The following EPHA3 variants were observed in gnomAD, a reference collection of about 807,000 sequenced individuals.
EPHA3 encodes ephrin type-A receptor 3.
In EPHA3, 42 loss-of-function variants were observed where a neutral mutation model predicts 107.1. The observed-to-expected ratio is 0.39, with a 90% CI of 0.31 to 0.51. The LOEUF (loss-of-function observed/expected upper bound fraction) is 0.51. Among genes scored for constraint, EPHA3 ranks in the 20% least tolerant of loss-of-function variants. The pLI is 0.78. For missense variants in EPHA3, 1,183 were observed against 1,211.2 expected (o/e 0.98, Z 0.35); for synonymous variants, 461 against 424.8 (o/e 1.09, Z -1.05).
At chr3:89,168,604 G>A (rs562316622) in intron 2 of EPHA3, among the ~76,000 whole-genome samples, 2 of 151,868 alleles carry the variant, frequency 1.3e-5, no homozygotes, top group African/African-American at 4.8e-5. Context: ...GACTAAATTA[G>A]AGTTTAGTAT....
intron 10 of EPHA3, among the ~76,000 whole-genome samples, chr3:89,415,689 C>A (rs575639358): frequency 4.6e-5 from 7 of 151,094 alleles, no homozygotes; most frequent in Non-Finnish European, 1.0e-4. Flanking sequence ...AATTTTACTC[C>A]TCAATCCAAC....
At chr3:89,198,687 G>A (rs182099611) in intron 2 of EPHA3, among the ~76,000 whole-genome samples, 1 of 152,256 alleles carries the variant, frequency 6.6e-6, no homozygotes, top group African/African-American at 2.4e-5. Flanking sequence ...GTAAAACTTA[G>A]CATATGTTCC....
intron 5 of EPHA3, among the ~76,000 whole-genome samples, chr3:89,375,621 T>TA (rs991220788): frequency 2.0e-4 from 31 of 151,864 alleles, no homozygotes; most frequent in African/African-American, 7.2e-4. Context: ...TTGAAGAGTA[T>TA]AATTTTTTAT....
intron 15 of EPHA3, among the ~76,000 whole-genome samples, chr3:89,466,439 G>A (rs1315497131): frequency 9.0e-5 from 11 of 122,582 alleles, no homozygotes; most frequent in East Asian, 2.1e-4. Flanking sequence ...CCTCGTTGCC[G>A]CCTTGCAGTT....
intron 3 of EPHA3, among the ~76,000 whole-genome samples, chr3:89,219,177 T>G (rs950702612): frequency 6.6e-6 from 1 of 152,172 alleles, no homozygotes; most frequent in African/African-American, 2.4e-5. Flanking sequence ...TTTTTTTTTT[T>G]TTCGAGATGG....
At chr3:89,394,609 G>GT (rs1274847787) in intron 5 of EPHA3, among the ~76,000 whole-genome samples, 1 of 152,168 alleles carries the variant, frequency 6.6e-6, no homozygotes, top group East Asian at 1.9e-4. Context: ...AAAATGAAAA[G>GT]TGTTTATAGA....
intron 16 of EPHA3, among the ~76,000 whole-genome samples, chr3:89,476,931 C>CA (rs1221261382): frequency 2.0e-5 from 3 of 151,362 alleles, no homozygotes; most frequent in Admixed American, 6.6e-5. Context: ...AGACAAAGGA[C>CA]AAAAAATCAT....
intron 5 of EPHA3, among the ~76,000 whole-genome samples, chr3:89,361,043 T>C (rs1576336090): frequency 6.6e-6 from 1 of 151,204 alleles, no homozygotes; most frequent in Middle Eastern, 3.4e-3. Flanking sequence ...AGTCAATGGT[T>C]TGGGCACTTG....
chr3:89,132,729 G>A (rs868059292), intron 2 of EPHA3, among the ~76,000 whole-genome samples: 6 of 151,940 alleles, frequency 3.9e-5, no homozygotes, highest in South Asian at 2.1e-4. Flanking sequence ...TCAATCAATC[G>A]ATCAATAGAA....
chr3:89,111,723 T>C (rs930579700), intron 1 of EPHA3, among the ~76,000 whole-genome samples: 1 of 152,136 alleles, frequency 6.6e-6, no homozygotes, highest in African/African-American at 2.4e-5. Flanking sequence ...CCTCTCAAAA[T>C]CTATCACAAA....
chr3:89,382,317 G>T (rs565229317), intron 5 of EPHA3, among the ~76,000 whole-genome samples: 138 of 151,992 alleles, frequency 9.1e-4, no homozygotes, highest in Non-Finnish European at 1.9e-3. Flanking sequence ...TTACCAGCCT[G>T]GCCAACATGG....
intron 3 of EPHA3, among the ~76,000 whole-genome samples, chr3:89,249,347 G>A (rs144479508): frequency 1.6e-4 from 24 of 152,158 alleles, no homozygotes; most frequent in African/African-American, 5.5e-4. Flanking sequence ...CATATTGAAC[G>A]GCGGTGACAT....
At chr3:89,205,623 TG>T (rs1706082267) in intron 2 of EPHA3, among the ~76,000 whole-genome samples, 1 of 152,166 alleles carries the variant, frequency 6.6e-6, no homozygotes, top group African/African-American at 2.4e-5. Context: ...ATATCAGAAT[TG>T]TTTATTTTAA....
intron 3 of EPHA3, among the ~76,000 whole-genome samples, chr3:89,266,915 C>G (rs557012979): frequency 6.6e-6 from 1 of 151,992 alleles, no homozygotes; most frequent in Non-Finnish European, 1.5e-5. Flanking sequence ...TAGAAATTCA[C>G]CAATTCAACC....
At chr3:89,299,244 G>T (rs1433075846) in intron 3 of EPHA3, among the ~76,000 whole-genome samples, 1 of 151,952 alleles carries the variant, frequency 6.6e-6, no homozygotes, top group African/African-American at 2.4e-5. Flanking sequence ...AGACAGACTA[G>T]AAAGAAAACT....
intron 5 of EPHA3, among the ~76,000 whole-genome samples, chr3:89,382,454 G>A (rs1326560539): frequency 6.7e-6 from 1 of 149,262 alleles, no homozygotes; most frequent in Non-Finnish European, 1.5e-5. Context: ...GCTGCTATGA[G>A]CTAAGATCGC....
chr3:89,322,677 A>G (rs1707071645), intron 3 of EPHA3, among the ~76,000 whole-genome samples: 2 of 152,084 alleles, frequency 1.3e-5, no homozygotes, highest in Non-Finnish European at 2.9e-5. Context: ...GTACCTATAT[A>G]AAAAAGCAAA....
At chr3:89,209,022 T>G (rs1483831559) in intron 2 of EPHA3, among the ~76,000 whole-genome samples, 1 of 152,192 alleles carries the variant, frequency 6.6e-6, no homozygotes, top group African/African-American at 2.4e-5. Flanking sequence ...GTTAAAAGCT[T>G]CTCAAAATTT....
rs867909441 is a variant in EPHA3, at chr3:89,343,959, C to T, written c.1306+1869C>T. Among the ~76,000 whole-genome samples, 16 of 152,260 alleles carry T rather than the reference C, an allele frequency of 1.1e-4. No individual in the cohort carries two copies. In the South Asian group the frequency reaches 1.9e-3, roughly 18 times the overall value. On this transcript the variant is annotated intron_variant, in intron 5 of 16. Transcript: ENST00000336596. ...CTTCTATGGGAAAAAATGAGTACTG[C>T]AATACTGTTGCTATATATTGCATGA...
Sources: allele counts gnomAD v4.1 joint callset (sites outside exome capture counted in the v4.1 genomes callset), GRCh38; gene constraint gnomAD v4.1.1; transcripts MANE v1.5; gene names NCBI Gene and HGNC (gene_info 2026-07-23, HGNC 2026-07-21).